Variants in GAREM1 observed in about 807,000 individuals in gnomAD.
GAREM1 encodes GRB2-associated and regulator of MAPK protein 1.
A neutral mutation model predicts 71.3 loss-of-function variants in GAREM1; 26 were observed. The ratio of observed to expected loss-of-function variants is 0.36; its 90% CI spans 0.27 to 0.51. GAREM1 has a LOEUF of 0.51. Among genes scored for constraint, GAREM1 ranks in the 20% least tolerant of loss-of-function variants. The probability of loss-of-function intolerance (pLI) is 0.95; values close to 1 mark genes in which losing one functional copy is unlikely to be tolerated. For missense variants in GAREM1, 1,026 were observed against 1,103.1 expected (o/e 0.93, Z 0.99); for synonymous variants, 440 against 433.2 (o/e 1.02, Z -0.20).
At chr18:32,468,659 T>C (rs780885967) in intron 1 of GAREM1, among the ~76,000 whole-genome samples, 34 of 152,296 alleles carry the variant, frequency 2.2e-4, no homozygotes, top group Middle Eastern at 3.4e-3. Context: ...GAAAGTCATG[T>C]CGGAAAGTGA....
intron 2 of GAREM1, among the ~76,000 whole-genome samples, chr18:32,375,980 A>G (rs989233305): frequency 2.6e-5 from 4 of 152,050 alleles, no homozygotes; most frequent in African/African-American, 9.7e-5. Flanking sequence ...GCATGAACTT[A>G]GTTGAATGTA....
chr18:32,321,878 A>C (rs965643480), intron 2 of GAREM1, among the ~76,000 whole-genome samples: 1 of 152,208 alleles, frequency 6.6e-6, no homozygotes, highest in Non-Finnish European at 1.5e-5. Context: ...TTAAAATTCA[A>C]ATCTAACCAT....
chr18:32,309,615 CAAAA>C (rs11370938), intron 3 of GAREM1, among the ~76,000 whole-genome samples: 6 of 13,862 alleles, frequency 4.3e-4, no homozygotes, highest in African/African-American at 1.5e-3. Context: ...GACTCAGTCT[CAAAA>C]AAAAAAAAAA....
chr18:32,393,856 G>A (rs2048226415), intron 1 of GAREM1, among the ~76,000 whole-genome samples: 1 of 152,082 alleles, frequency 6.6e-6, no homozygotes, highest in Admixed American at 6.5e-5. Flanking sequence ...ATTAATCCTA[G>A]TTTAGTAATT....
In GAREM1 at chr18:32,342,709, C is replaced by T. The variant is rs539404176; in HGVS notation, c.263-32386G>A. Among the ~76,000 whole-genome samples the T allele has an allele frequency of 1.2e-3, 190 of 152,310 alleles. 1 individual carries two copies. Among genetic ancestry groups the T allele is most frequent in the African/African-American group, 4.4e-3 (181 of 41,576 alleles). On this transcript the variant is annotated intron_variant, in intron 2 of 5. Transcript: ENST00000269209. Reference sequence around the variant, plus strand: ...TGTTTGGAATCCCCAACCCCTTATACATACAAATTGAAAGGAAGAATAAAT... The same window carrying T: ...TGTTTGGAATCCCCAACCCCTTATATATACAAATTGAAAGGAAGAATAAAT...
chr18:32,463,038 T>C (rs2048966615), intron 1 of GAREM1, among the ~76,000 whole-genome samples: 1 of 152,038 alleles, frequency 6.6e-6, no homozygotes. Context: ...ACAACAGGTA[T>C]TGCATATCTC....
At chr18:32,420,535 G>A (rs2048509556) in intron 1 of GAREM1, among the ~76,000 whole-genome samples, 1 of 152,032 alleles carries the variant, frequency 6.6e-6, no homozygotes, top group South Asian at 2.1e-4. Flanking sequence ...CCACCCTGGG[G>A]CACTCATCCA....
At chr18:32,282,052 C>A (rs1038606846) in intron 4 of GAREM1, among the ~76,000 whole-genome samples, 1 of 152,070 alleles carries the variant, frequency 6.6e-6, no homozygotes, top group South Asian at 2.1e-4. Flanking sequence ...CAGAGGACAA[C>A]CCCCTTTTCC....
chr18:32,400,778 G>A (rs1172135527), intron 1 of GAREM1, among the ~76,000 whole-genome samples: 8 of 152,138 alleles, frequency 5.3e-5, no homozygotes, highest in Non-Finnish European at 8.8e-5. Context: ...ATTCCTCAAG[G>A]ATCTAGAACT....
intron 4 of GAREM1, among the ~76,000 whole-genome samples, chr18:32,279,545 C>T (rs146088985): frequency 7.9e-4 from 120 of 152,298 alleles, no homozygotes; most frequent in Non-Finnish European, 1.4e-3. Flanking sequence ...TCCCATCACC[C>T]CCAGATAGGA....
intron 1 of GAREM1, among the ~76,000 whole-genome samples, chr18:32,406,923 C>T (rs75357169): frequency 0.034 from 5,156 of 152,212 alleles, 134 homozygotes; most frequent in East Asian, 0.11. Flanking sequence ...TAAAAGCTTC[C>T]TGCAAAGCAT....
intron 1 of GAREM1, among the ~76,000 whole-genome samples, chr18:32,463,422 A>ATT (rs2048969995): frequency 1.3e-5 from 2 of 152,114 alleles, no homozygotes; most frequent in African/African-American, 4.8e-5. Context: ...GTCTAGGTTT[A>ATT]TCACTGTCCA....
At chr18:32,453,596 T>C (rs2048861410) in intron 1 of GAREM1, among the ~76,000 whole-genome samples, 1 of 152,132 alleles carries the variant, frequency 6.6e-6, no homozygotes, top group South Asian at 2.1e-4. Context: ...CTGTCTCAAA[T>C]CTCTGTTTGT....
At chr18:32,270,676 A>G (rs1368643852) in intron 4 of GAREM1, among the ~76,000 whole-genome samples, 1 of 152,170 alleles carries the variant, frequency 6.6e-6, no homozygotes, top group African/African-American at 2.4e-5. Context: ...GGCAAGTTAA[A>G]GTGTCTATGG....
At chr18:32,439,857 G>A (rs1222856917) in intron 1 of GAREM1, among the ~76,000 whole-genome samples, 1 of 152,012 alleles carries the variant, frequency 6.6e-6, no homozygotes, top group East Asian at 1.9e-4. Flanking sequence ...ACAAACAAAT[G>A]ACCTTTATTT....
chr18:32,407,311 T>C (rs544448199), intron 1 of GAREM1, among the ~76,000 whole-genome samples: 1 of 152,194 alleles, frequency 6.6e-6, no homozygotes. Flanking sequence ...CAATGGTCCC[T>C]GTGTATGAAA....
At chr18:32,456,313 C>A in intron 1 of GAREM1, among the ~76,000 whole-genome samples, 1 of 151,896 alleles carries the variant, frequency 6.6e-6, no homozygotes, top group East Asian at 1.9e-4. Flanking sequence ...AGAGCAAGTC[C>A]GAGTGGTGAA....
intron 2 of GAREM1, among the ~76,000 whole-genome samples, chr18:32,358,205 G>T (rs566152668): frequency 6.9e-6 from 1 of 145,454 alleles, no homozygotes; most frequent in East Asian, 2.1e-4. Context: ...GAGCACACCC[G>T]GCTTGTGTGC....
chr18:32,362,863 C>A (rs1380420531), intron 2 of GAREM1, among the ~76,000 whole-genome samples: 2 of 152,196 alleles, frequency 1.3e-5, no homozygotes, highest in Non-Finnish European at 1.5e-5. Flanking sequence ...TTGTGTACTT[C>A]TTTGCAAAAC....
Sources: gnomAD v4.1 joint callset for allele counts (sites outside exome capture counted in the v4.1 genomes callset) on GRCh38, gnomAD v4.1.1 for gene constraint, MANE v1.5 for transcripts, NCBI Gene and HGNC (gene_info 2026-07-23, HGNC 2026-07-21) for gene names.